Variants in ARF4 observed in about 807,000 individuals in gnomAD.
ARF4 encodes the protein ARF GTPase 4, also known as ADP-ribosylation factor 4.
In ARF4, 5 loss-of-function variants were observed where a neutral mutation model predicts 24.3. The ratio of observed to expected loss-of-function variants is 0.21; its 90% confidence interval spans 0.11 to 0.43. The LOEUF is 0.43. Among genes scored for constraint, ARF4 ranks in the 20% least tolerant of loss-of-function variants. ARF4 has a pLI of 1.00. For missense variants in ARF4, 107 were observed against 213.0 expected (o/e 0.50, Z 3.10); for synonymous variants, 62 against 73.5 (o/e 0.84, Z 0.80).
intron 1 of ARF4, among the ~76,000 whole-genome samples, chr3:57,595,390 C>A (rs1408990125): frequency 6.6e-6 from 1 of 152,214 alleles, no homozygotes; most frequent in Non-Finnish European, 1.5e-5. Flanking sequence ...AACTTCCGAT[C>A]CTTTTTCAGA....
chr3:57,577,157 A>G (rs2069915858), intron 4 of ARF4, among the ~76,000 whole-genome samples, 159 bp downstream of exon 4: 1 of 152,140 alleles, frequency 6.6e-6, no homozygotes, highest in African/African-American at 2.4e-5. Flanking sequence ...TTTGAAGTAC[A>G]TTATTAAGAA....
intron 1 of ARF4, among the ~76,000 whole-genome samples, chr3:57,590,224 C>A (rs1351289069): frequency 6.6e-6 from 1 of 151,934 alleles, no homozygotes; most frequent in Non-Finnish European, 1.5e-5. Flanking sequence ...CAGTGGCTCA[C>A]ACCTGTAATC....
chr3:57,573,682 G>A (rs1264466824), intron 5 of ARF4, among the ~76,000 whole-genome samples: 1 of 151,992 alleles, frequency 6.6e-6, no homozygotes, highest in Non-Finnish European at 1.5e-5. Flanking sequence ...ACAGGCTCAA[G>A]AGATTCTCGT....
intron 3 of ARF4, among the ~76,000 whole-genome samples, chr3:57,579,350 C>T (rs2069944317): frequency 6.6e-6 from 1 of 150,710 alleles, no homozygotes; most frequent in Admixed American, 6.6e-5. Flanking sequence ...TGCAGTGGTG[C>T]CATCTCAGCT....
intron 1 of ARF4, among the ~76,000 whole-genome samples, chr3:57,590,089 C>CA: frequency 7.4e-6 from 1 of 135,206 alleles, no homozygotes; most frequent in East Asian, 2.2e-4. Context: ...GACTCTGTCT[C>CA]AATAAATAAA....
At chr3:57,593,354 C>G (rs966563062) in intron 1 of ARF4, among the ~76,000 whole-genome samples, 6 of 151,960 alleles carry the variant, frequency 3.9e-5, no homozygotes, top group Non-Finnish European at 8.8e-5. Context: ...AGAGGAAAAA[C>G]ATAAAAAAAT....
At chr3:57,572,906 G>C (rs2069857174) in intron 5 of ARF4, among the ~76,000 whole-genome samples, 1 of 151,564 alleles carries the variant, frequency 6.6e-6, no homozygotes, top group African/African-American at 2.4e-5. Flanking sequence ...ATTTTTGAAA[G>C]AGTAGGGTTT....
chr3:57,596,696 T>C (rs2070189407), intron 1 of ARF4: 1 of 220,052 alleles, frequency 4.5e-6, no homozygotes, highest in Non-Finnish European at 9.3e-6. Flanking sequence ...TCCTGACCGC[T>C]GTCCACACCC....
At chr3:57,572,655 G>A (rs1051648604) in intron 5 of ARF4, among the ~76,000 whole-genome samples, 2 of 152,090 alleles carry the variant, frequency 1.3e-5, no homozygotes, top group African/African-American at 2.4e-5. Flanking sequence ...CAGCCTGGGC[G>A]ACAGAGTGAG....
At chr3:57,579,458 T>C (rs1445477108) in intron 3 of ARF4, among the ~76,000 whole-genome samples, 2 of 151,888 alleles carry the variant, frequency 1.3e-5, no homozygotes, top group Non-Finnish European at 2.9e-5. Flanking sequence ...TGGCTAATTT[T>C]TGTATTTTTA....
At chr3:57,582,760 G>T (rs868771210) in intron 3 of ARF4, among the ~76,000 whole-genome samples, 1 of 102,734 alleles carries the variant, frequency 9.7e-6, no homozygotes, top group Non-Finnish European at 2.2e-5. Flanking sequence ...AAATTATTAA[G>T]TAATAAAAAA....
At chr3:57,596,679 G>A (rs2153409687) in intron 1 of ARF4, 1 of 199,136 alleles carries the variant, frequency 5.0e-6, no homozygotes, top group Admixed American at 5.7e-5. Context: ...GAGTTGCTCT[G>A]CCTCCCTCCT....
At chr3:57,584,183 G>C in intron 2 of ARF4, 176 bp from the exon 3 acceptor site, 1 of 699,910 alleles carries the variant, frequency 1.4e-6, no homozygotes, top group Non-Finnish European at 2.4e-6. Flanking sequence ...GGCTGGTCTT[G>C]AACTCCTGGG....
At chr3:57,577,055 A>T (rs1217955594) in intron 4 of ARF4, among the ~76,000 whole-genome samples, 1 of 140,446 alleles carries the variant, frequency 7.1e-6, no homozygotes. Flanking sequence ...GAGGCATTCT[A>T]AAAAAAAAAA....
chr3:57,584,307 G>T, intron 2 of ARF4, 77 bp downstream of exon 2: 2 of 1,264,422 alleles, frequency 1.6e-6, no homozygotes, highest in Non-Finnish European at 2.3e-6. Context: ...TTAACAAAAA[G>T]ACAATCTCAA....
intron 5 of ARF4, among the ~76,000 whole-genome samples, chr3:57,574,152 G>A (rs1299401961): frequency 1.3e-5 from 2 of 151,326 alleles, no homozygotes; most frequent in Non-Finnish European, 2.9e-5. Context: ...TCTTGGCCAT[G>A]TTGGTCTTGA....
chr3:57,576,339 G>A (rs2069902078), intron 4 of ARF4, among the ~76,000 whole-genome samples: 1 of 152,214 alleles, frequency 6.6e-6, no homozygotes, highest in Admixed American at 6.5e-5. Context: ...ACGAGAGGAA[G>A]GAAATGGGAA....
chr3:57,585,463 C>G (rs746320577), intron 1 of ARF4, among the ~76,000 whole-genome samples: 11 of 151,982 alleles, frequency 7.2e-5, no homozygotes, highest in Non-Finnish European at 1.6e-4. Flanking sequence ...AAAATGAAAA[C>G]CAAAGTCTGA....
chr3:57,574,776 T>C (rs866504436), intron 5 of ARF4, among the ~76,000 whole-genome samples: 1 of 152,042 alleles, frequency 6.6e-6, no homozygotes, highest in Non-Finnish European at 1.5e-5. Flanking sequence ...AGCGCTTTGG[T>C]AGGCTGAGAT....
Sources: gnomAD v4.1 joint callset for allele counts (sites outside exome capture counted in the v4.1 genomes callset) on GRCh38, gnomAD v4.1.1 for gene constraint, MANE v1.5 for transcripts, NCBI Gene and HGNC (gene_info 2026-07-23, HGNC 2026-07-21) for gene names.